Variants in PPP2R2B observed in about 807,000 individuals in gnomAD.
PPP2R2B encodes protein phosphatase 2 regulatory subunit Bbeta.
Under a neutral mutation model 46.0 loss-of-function variants are expected in PPP2R2B, and 5 were observed. The observed-to-expected ratio is 0.11, with a 90% CI of 0.06 to 0.23. The LOEUF is 0.23. PPP2R2B is among the 10% of genes least tolerant of loss of function. The pLI, the probability that PPP2R2B is intolerant of heterozygous loss-of-function variation, is 1.00. For synonymous variants in PPP2R2B, 215 were observed against 206.7 expected, an observed-to-expected ratio of 1.04 and a Z score of -0.34; for missense variants, 367 against 575.0, an observed-to-expected ratio of 0.64 and a Z score of 3.70.
intron 2 of PPP2R2B, among the ~76,000 whole-genome samples, chr5:146,818,623 T>C (rs1043826922): frequency 3.3e-5 from 5 of 152,238 alleles, no homozygotes; most frequent in African/African-American, 1.2e-4. Flanking sequence ...TCTTAAGTTA[T>C]GTAATTTTCT....
intron 2 of PPP2R2B, among the ~76,000 whole-genome samples, chr5:146,775,382 G>GA (rs1464225205): frequency 5.9e-5 from 9 of 152,006 alleles, no homozygotes; most frequent in Non-Finnish European, 8.8e-5. Context: ...TAGAATAAAG[G>GA]AAAAAACTAT....
At chr5:146,873,933 T>C (rs1052423313) in intron 2 of PPP2R2B, among the ~76,000 whole-genome samples, 3 of 152,254 alleles carry the variant, frequency 2.0e-5, no homozygotes, top group Non-Finnish European at 4.4e-5. Context: ...GCCATAGTCA[T>C]CTTTCCATTC....
chr5:146,980,807 A>G (rs1753137268), intron 1 of PPP2R2B, among the ~76,000 whole-genome samples: 1 of 152,078 alleles, frequency 6.6e-6, no homozygotes, highest in Non-Finnish European at 1.5e-5. Flanking sequence ...TGTAGATACA[A>G]GATTTCATAT....
rs1447438771 is a variant in PPP2R2B at position 146,597,873 on chromosome 5, T to G, written c.960+2418A>C. Among the ~76,000 whole-genome samples the G allele has an allele frequency of 2.6e-5, 4 of 152,200 alleles. No individual in the cohort carries two copies. The South Asian group carries it at 6.2e-4, about 24-fold the overall frequency. On this transcript the variant is annotated intron_variant, in intron 8 of 9. Coordinates refer to ENST00000394411, the MANE Select transcript of PPP2R2B (RefSeq NM_181675.4). ...TCCTTCCTTTGATAGATGAATTATC[T>G]TTGCATCTTACCATCTACAGCCAAT... is the stretch of plus-strand genomic sequence containing the variant.
At chr5:146,997,115 G>T (rs1321593638) in intron 1 of PPP2R2B, among the ~76,000 whole-genome samples, 1 of 152,094 alleles carries the variant, frequency 6.6e-6, no homozygotes, top group Admixed American at 6.5e-5. Flanking sequence ...GTACTCAGTT[G>T]TTAAACATTC....
intron 1 of PPP2R2B, among the ~76,000 whole-genome samples, chr5:146,912,880 G>GTACTCT (rs1763242808): frequency 1.3e-5 from 2 of 152,130 alleles, no homozygotes; most frequent in Non-Finnish European, 2.9e-5. Flanking sequence ...TCTTCAATGT[G>GTACTCT]TCAAGTACTA....
At chr5:146,968,424 G>C (rs1752531688) in intron 1 of PPP2R2B, among the ~76,000 whole-genome samples, 1 of 152,130 alleles carries the variant, frequency 6.6e-6, no homozygotes, top group South Asian at 2.1e-4. Context: ...AGATACAGTG[G>C]GGTGCTGGTA....
At chr5:146,713,518 C>T (rs1303301080) in intron 2 of PPP2R2B, among the ~76,000 whole-genome samples, 2 of 152,176 alleles carry the variant, frequency 1.3e-5, no homozygotes, top group Non-Finnish European at 2.9e-5. Context: ...ACTAAGTAGA[C>T]AAGTGACTGC....
chr5:146,924,457 T>C (rs1457207083), intron 1 of PPP2R2B, among the ~76,000 whole-genome samples: 1 of 152,066 alleles, frequency 6.6e-6, no homozygotes, highest in African/African-American at 2.4e-5. Context: ...GGATGGGCCC[T>C]TCCCAAGTAC....
At chr5:147,054,555 C>T in intron 1 of PPP2R2B, 2 of 455,336 alleles carry the variant, frequency 4.4e-6, no homozygotes, top group South Asian at 1.6e-5. Context: ...AGGGTGATCC[C>T]AAATGTCTAC....
chr5:146,926,868 C>T (rs1032751222), intron 1 of PPP2R2B, among the ~76,000 whole-genome samples: 1 of 152,194 alleles, frequency 6.6e-6, no homozygotes, highest in East Asian at 1.9e-4. Flanking sequence ...AATATGCTGT[C>T]TCTGATCACA....
chr5:146,920,094 T>C (rs1388668293), intron 1 of PPP2R2B, among the ~76,000 whole-genome samples: 1 of 152,184 alleles, frequency 6.6e-6, no homozygotes, highest in Non-Finnish European at 1.5e-5. Context: ...ATGTGGCACA[T>C]AATCAGGCCG....
intron 2 of PPP2R2B, among the ~76,000 whole-genome samples, chr5:146,731,460 G>A (rs1316327217): frequency 6.6e-6 from 1 of 152,188 alleles, no homozygotes; most frequent in Non-Finnish European, 1.5e-5. Context: ...ACTTTATGTG[G>A]CAGAGAGAAG....
At chr5:147,045,458 G>C (rs1221477955) in intron 1 of PPP2R2B, among the ~76,000 whole-genome samples, 1 of 152,038 alleles carries the variant, frequency 6.6e-6, no homozygotes, top group Non-Finnish European at 1.5e-5. Context: ...GTATGTAGTA[G>C]GCTCTATGAT....
intron 1 of PPP2R2B, among the ~76,000 whole-genome samples, chr5:146,991,036 G>A (rs1753677272): frequency 6.6e-6 from 1 of 151,990 alleles, no homozygotes; most frequent in Non-Finnish European, 1.5e-5. Context: ...CCTCAACCCA[G>A]TTAGAATGAA....
chr5:146,707,328 G>A (rs1779925255), intron 2 of PPP2R2B: 1 of 986,092 alleles, frequency 1.0e-6, no homozygotes, highest in African/African-American at 1.6e-5. Flanking sequence ...TGAAGGTCTT[G>A]ATCTGCTCCT....
chr5:146,917,089 T>C (rs1308408946), intron 1 of PPP2R2B, among the ~76,000 whole-genome samples: 1 of 152,186 alleles, frequency 6.6e-6, no homozygotes, highest in East Asian at 1.9e-4. Context: ...ATAGGAATTA[T>C]TTGGGTTTCT....
chr5:146,724,067 G>T (rs1751692320), intron 2 of PPP2R2B, among the ~76,000 whole-genome samples: 1 of 152,084 alleles, frequency 6.6e-6, no homozygotes, highest in Non-Finnish European at 1.5e-5. Flanking sequence ...ATATATATTT[G>T]TTGTGAATAT....
At chr5:146,593,981 C>G (rs907766776) in intron 8 of PPP2R2B, among the ~76,000 whole-genome samples, 2 of 152,098 alleles carry the variant, frequency 1.3e-5, no homozygotes, top group East Asian at 3.9e-4. Flanking sequence ...GTCAGATTCT[C>G]CTTTTGTTTA....
Sources: allele counts gnomAD v4.1 joint callset (sites outside exome capture counted in the v4.1 genomes callset), GRCh38; gene constraint gnomAD v4.1.1; transcripts MANE v1.5; gene names NCBI Gene and HGNC (gene_info 2026-07-23, HGNC 2026-07-21).